SCN1A: variants seen among roughly 807,000 people sequenced by gnomAD.
SCN1A encodes the protein sodium voltage-gated channel alpha subunit 1.
Under a neutral mutation model 193.7 loss-of-function variants are expected in SCN1A, and 13 were observed. That is an observed-to-expected ratio of 0.07 (90% CI 0.04 to 0.11). The LOEUF is 0.11. SCN1A is among the 10% of genes least tolerant of loss of function. The probability of loss-of-function intolerance (pLI) is 1.00; values close to 1 mark genes in which losing one functional copy is unlikely to be tolerated. For missense variants in SCN1A, 1,432 were observed against 2,451.1 expected (o/e 0.58, Z 8.78); for synonymous variants, 781 against 843.6 (o/e 0.93, Z 1.29).
intron 4 of SCN1A, among the ~76,000 whole-genome samples, chr2:166,071,157 C>A (rs769487604): frequency 6.6e-6 from 1 of 152,170 alleles, no homozygotes; most frequent in Non-Finnish European, 1.5e-5. Flanking sequence ...CACTTCAATA[C>A]CGAAGTCATT....
Position 166,042,381 on chromosome 2 carries a change from G to A in SCN1A, c.2087C>T (p.Ser696Phe), listed in dbSNP as rs1415405412. 2 of 1,613,736 alleles carry A rather than the reference G, an allele frequency of 1.2e-6. No individual in the cohort carries two copies. The highest frequency in any genetic ancestry group is 1.1e-5 in the South Asian group (1 of 91,078). Residue 696 changes from serine to phenylalanine, a missense_variant, in exon 15 of 29, where the codon TCT becomes TTT. Coordinates refer to ENST00000674923, the MANE Select transcript of SCN1A (RefSeq NM_001165963.4). ...TAGAAAGTCCATGGAAACGTGGAAA[G>A]AACTTGACCTTCTCTTTCTCATTTC... Reference protein sequence around the residue: ...ETEMRKRRSSSFHVSMDFLED... With the variant: ...ETEMRKRRSSFFHVSMDFLED...
At chr2:166,049,541 TAA>T (rs1698296539) in intron 9 of SCN1A, among the ~76,000 whole-genome samples, 1 of 152,014 alleles carries the variant, frequency 6.6e-6, no homozygotes, top group African/African-American at 2.4e-5. Context: ...AAAGCAATTT[TAA>T]AAAGTCTTAA....
In SCN1A at chr2:165,987,785, A is replaced by ATGAT. The variant is rs1688699677; in HGVS notation, c.*3456_*3459dup. The stretch of plus-strand genomic sequence containing the variant: ...TTTCAAAATGAATATGGAGATTTAT[A>ATGAT]TGATTATGTTTTACCAGTTCTTCTC... On this transcript the variant is annotated 3_prime_UTR_variant, in exon 29 of 29. Transcript: ENST00000674923. 6.6e-6 allele frequency: 1 copy of ATGAT among 152,188 alleles called. No individual in the cohort carries two copies. Among genetic ancestry groups the ATGAT allele is most frequent in the Non-Finnish European group, 1.5e-5 (1 of 68,032 alleles). The allele number at this position is 152,188 out of a possible 1,614,324, so 9.4% of individuals were successfully genotyped here.
chr2:165,984,837 T>C (rs1461290458), downstream of SCN1A: 1 of 152,160 alleles, frequency 6.6e-6, no homozygotes, highest in African/African-American at 2.4e-5. Flanking sequence ...CCTTTTGTAT[T>C]TTCCAGCCCT....
At chr2:166,065,611 CT>C (rs1310820865) in intron 4 of SCN1A, among the ~76,000 whole-genome samples, 5 of 152,174 alleles carry the variant, frequency 3.3e-5, no homozygotes, top group East Asian at 3.9e-4. Flanking sequence ...ATTTTTTCAT[CT>C]CCTAGTCTCA....
At chr2:166,108,036 A>G (rs536183044) in intron 2 of SCN1A, among the ~76,000 whole-genome samples, 1 of 152,100 alleles carries the variant, frequency 6.6e-6, no homozygotes, top group African/African-American at 2.4e-5. Context: ...GTATTTGCAA[A>G]TCATATATCT....
chr2:166,118,319 T>TTC (rs1690132337), intron 2 of SCN1A, among the ~76,000 whole-genome samples: 1 of 133,488 alleles, frequency 7.5e-6, no homozygotes, highest in Non-Finnish European at 1.6e-5. Context: ...TTTTTTTTTT[T>TTC]TTTTTTTTTT....
intron 1 of SCN1A, among the ~76,000 whole-genome samples, chr2:166,140,910 T>C (rs1692053914): frequency 6.6e-6 from 1 of 152,196 alleles, no homozygotes; most frequent in Non-Finnish European, 1.5e-5. Context: ...GCATCCCCAC[T>C]TCTTGGGAGC....
intron 11 of SCN1A, 146 bp downstream of exon 11, chr2:166,047,481 G>A: frequency 2.2e-6 from 2 of 911,686 alleles, no homozygotes; most frequent in Non-Finnish European, 3.5e-6. Context: ...CTCAGTATGT[G>A]TTATAATCAA....
intron 10 of SCN1A, among the ~76,000 whole-genome samples, chr2:166,048,403 T>G (rs191238721): frequency 6.6e-6 from 1 of 152,194 alleles, no homozygotes; most frequent in East Asian, 1.9e-4. Context: ...CCTATATGTG[T>G]CCATGTGTTC....
upstream of SCN1A, among the ~76,000 whole-genome samples, chr2:166,131,720 A>C (rs1268554761): frequency 2.6e-5 from 4 of 152,224 alleles, no homozygotes; most frequent in African/African-American, 9.6e-5. Flanking sequence ...TGCATAGAAA[A>C]TAAAGGTAAT....
intron 19 of SCN1A, among the ~76,000 whole-genome samples, chr2:166,020,711 TA>T (rs1175102921): frequency 2.6e-5 from 4 of 152,170 alleles, no homozygotes; most frequent in African/African-American, 9.7e-5. Flanking sequence ...TAAAAAACCA[TA>T]AAATTAGGTG....
chr2:166,023,004 A>G (rs1397059834), intron 19 of SCN1A, among the ~76,000 whole-genome samples: 1 of 152,216 alleles, frequency 6.6e-6, no homozygotes, highest in Non-Finnish European at 1.5e-5. Context: ...AAAAGCACAC[A>G]ATAGGTTAAA....
chr2:166,136,876 G>A (rs184146608), intron 1 of SCN1A, among the ~76,000 whole-genome samples: 1 of 152,244 alleles, frequency 6.6e-6, no homozygotes, highest in East Asian at 1.9e-4. Context: ...TAGGAAGTGA[G>A]GTGTGGTCGG....
At position 166,085,714 on chromosome 2, in the gene SCN1A, C is replaced by G. The variant is rs182009114; in HGVS notation, c.-141-7913G>C. Among the ~76,000 whole-genome samples, 169 of 152,156 alleles carry G rather than the reference C, an allele frequency of 1.1e-3. 1 individual carries two copies. The highest frequency in any genetic ancestry group is 2.7e-3 in the Admixed American group (41 of 15,268). On this transcript the variant is annotated intron_variant, in intron 2 of 28. Transcript: ENST00000674923. The stretch of plus-strand genomic sequence containing the variant: ...TGACACTTTCACTTTTCCAAATAAC[C>G]TGAAGACAAATGGAACCTCCCTGAG...
At chr2:166,057,816 C>A (rs1433323993) in intron 5 of SCN1A, among the ~76,000 whole-genome samples, 1 of 151,886 alleles carries the variant, frequency 6.6e-6, no homozygotes, top group Non-Finnish European at 1.5e-5. Flanking sequence ...AAACAAGATA[C>A]AATCAGAAGT....
At chr2:165,995,751 CAATT>C (rs1046658554) in intron 27 of SCN1A, among the ~76,000 whole-genome samples, 25 of 151,642 alleles carry the variant, frequency 1.6e-4, no homozygotes, top group African/African-American at 5.3e-4. Context: ...GTCCATTGGC[CAATT>C]AATATGGATT....
In SCN1A at chr2:166,076,006, T is replaced by C. The variant is rs1227318246; in HGVS notation, c.-50+1704A>G. Among the ~76,000 whole-genome samples, 4 of 152,030 alleles carry C rather than the reference T, an allele frequency of 2.6e-5. No individual in the cohort carries two copies. In the East Asian group the frequency reaches 5.8e-4, roughly 22 times the overall value. On this transcript the variant is annotated intron_variant, in intron 3 of 28. Transcript: ENST00000674923. The stretch of plus-strand genomic sequence containing the variant: ...TTAAAAACAGCCCATTTTTTCCTTC[T>C]ATTTTTTTCAATCTATAGCATCTTT...
At chr2:166,081,122 T>G (rs1685477535) in intron 2 of SCN1A, among the ~76,000 whole-genome samples, 1 of 151,922 alleles carries the variant, frequency 6.6e-6, no homozygotes, top group Non-Finnish European at 1.5e-5. Context: ...TGTTTATACT[T>G]GAGGTGACTG....
Sources: gnomAD v4.1 joint callset for allele counts (sites outside exome capture counted in the v4.1 genomes callset) on GRCh38, gnomAD v4.1.1 for gene constraint, MANE v1.5 for transcripts, NCBI Gene and HGNC (gene_info 2026-07-23, HGNC 2026-07-21) for gene names.